The following ADAM19 variants were observed in gnomAD, a reference collection of about 807,000 sequenced individuals.
ADAM19 encodes the protein disintegrin and metalloproteinase domain-containing protein 19.
In ADAM19, 65 loss-of-function variants were observed where a neutral mutation model predicts 114.7. The ratio of observed to expected loss-of-function variants is 0.57; its 90% confidence interval spans 0.46 to 0.70. The LOEUF (loss-of-function observed/expected upper bound fraction) is 0.70. Among genes scored for constraint, ADAM19 ranks in the 30% least tolerant of loss-of-function variants. ADAM19 has a pLI of 0.00. For synonymous variants in ADAM19, 466 were observed against 460.5 expected (o/e 1.01, Z -0.15); for missense variants, 1,063 against 1,204.7 (o/e 0.88, Z 1.74).
At chr5:157,520,138 T>A in intron 5 of ADAM19, 107 bp from the exon 6 acceptor site, 1 of 1,121,970 alleles carries the variant, frequency 8.9e-7, no homozygotes, top group Non-Finnish European at 1.3e-6. Flanking sequence ...TGGGTTTTGA[T>A]CATTGGTTCT....
intron 5 of ADAM19, among the ~76,000 whole-genome samples, chr5:157,524,048 C>T (rs1250171446): frequency 6.6e-6 from 1 of 152,240 alleles, no homozygotes. Flanking sequence ...TCTCAGACGG[C>T]CTGGGGATGG....
chr5:157,542,514 C>T (rs546338862), intron 3 of ADAM19, among the ~76,000 whole-genome samples: 1 of 152,194 alleles, frequency 6.6e-6, no homozygotes, highest in Non-Finnish European at 1.5e-5. Context: ...CAATGTCACA[C>T]AAGCGTACAG....
rs536780248 is a variant in ADAM19 at position 157,499,690 on chromosome 5, T to C, written c.1309-28A>G. On this transcript the variant is annotated intron_variant, in intron 12 of 22. Coordinates refer to ENST00000257527, the MANE Select transcript of ADAM19 (RefSeq NM_033274.5). The stretch of plus-strand genomic sequence containing the variant: ...GGGGAGGCAGTGGGGTGGGTGTGAG[T>C]GGGGGAGGGCCTTCACCACCCCCAA... 139 of 1,493,464 alleles carry C rather than the reference T, an allele frequency of 9.3e-5. 1 individual carries two copies. The Admixed American group carries it at 2.3e-3, about 25-fold the overall frequency. 92.5% of individuals were successfully genotyped at this position (1,493,464 alleles called of 1,614,324 possible). A position where few individuals can be genotyped will look rare whatever the true frequency, so the allele number is the denominator to read the frequency against.
At chr5:157,484,318 C>G (rs1040330250) in intron 21 of ADAM19, among the ~76,000 whole-genome samples, 10 of 152,148 alleles carry the variant, frequency 6.6e-5, no homozygotes, top group African/African-American at 2.4e-4. Flanking sequence ...GTGTGGGGTC[C>G]GTATCTGTTT....
intron 14 of ADAM19, among the ~76,000 whole-genome samples, chr5:157,495,613 T>C (rs1432757987): frequency 6.6e-6 from 1 of 152,166 alleles, no homozygotes; most frequent in Non-Finnish European, 1.5e-5. Context: ...ATAATCTATC[T>C]AATAAAGAAT....
chr5:157,519,528 G>T (rs562057309), intron 6 of ADAM19, among the ~76,000 whole-genome samples: 197 of 152,200 alleles, frequency 1.3e-3, no homozygotes, highest in Admixed American at 2.7e-3. Context: ...CAAGCAATCT[G>T]CCTGCTTTAG....
chr5:157,563,215 C>T (rs1467491342), intron 3 of ADAM19, among the ~76,000 whole-genome samples: 4 of 152,110 alleles, frequency 2.6e-5, no homozygotes, highest in Admixed American at 2.0e-4. Flanking sequence ...ACTGGCTTTA[C>T]TCTCAAGAGG....
chr5:157,530,961 G>T (rs1175687885), intron 4 of ADAM19, 78 bp from the exon 5 acceptor site: 52 of 1,257,900 alleles, frequency 4.1e-5, no homozygotes, highest in Non-Finnish European at 5.9e-5. Flanking sequence ...GATGGTCATG[G>T]ATGACTCATG....
At chr5:157,564,311 T>G (rs1157385196) in intron 3 of ADAM19, 62 bp downstream of exon 3, 1 of 1,499,772 alleles carries the variant, frequency 6.7e-7, no homozygotes, top group African/African-American at 1.4e-5. Flanking sequence ...CAGCGACACC[T>G]GCGTCCGGCG....
chr5:157,479,877 C>A lies in ADAM19; in HGVS notation c.*1072G>T. Reference sequence around the variant, plus strand: ...AATAGCTGGGCTCCCTAAGGGGAAACCTCACCTAGATTTAGCTTAGAGTAA... The same window carrying A: ...AATAGCTGGGCTCCCTAAGGGGAAAACTCACCTAGATTTAGCTTAGAGTAA... On this transcript the variant is annotated 3_prime_UTR_variant, in exon 23 of 23. Coordinates refer to ENST00000257527, the MANE Select transcript of ADAM19 (RefSeq NM_033274.5). The A allele has an allele frequency of 2.0e-6, 2 of 985,684 alleles. No homozygotes were observed. Among genetic ancestry groups the A allele is most frequent in the Non-Finnish European group, 2.4e-6 (2 of 830,000 alleles). 61.1% of individuals were successfully genotyped at this position (985,684 alleles called of 1,614,324 possible). A position where few individuals can be genotyped will look rare whatever the true frequency, so the allele number is the denominator to read the frequency against.
At chr5:157,513,965 C>T (rs956277326) in intron 7 of ADAM19, among the ~76,000 whole-genome samples, 1 of 152,218 alleles carries the variant, frequency 6.6e-6, no homozygotes, top group Non-Finnish European at 1.5e-5. Flanking sequence ...TGAATGCCTG[C>T]TATGGGCAAG....
chr5:157,509,353 A>G lies in ADAM19; in HGVS notation c.853T>C (p.Trp285Arg). ...TTCTGGGCAAGCAGCTTGCGCCTCC[A>G]ACTGAGAAAGGACCAGAGGGTAGAA... ...PYSTLWSFLS[W>R]RRKLLAQKYH... is the part of the protein sequence containing the mutation. Residue 285 changes from tryptophan to arginine, a missense_variant, in exon 9 of 23, where the codon TGG becomes CGG. Trp to Arg is a moderately radical substitution (Grantham distance 101). Transcript: ENST00000257527. The G allele has an allele frequency of 6.2e-7, 1 of 1,613,214 alleles. No individual in the cohort carries two copies. Among genetic ancestry groups the G allele is most frequent in the Non-Finnish European group, 8.5e-7 (1 of 1,179,462 alleles).
At chr5:157,511,659 TCA>T (rs548783456) in intron 8 of ADAM19, among the ~76,000 whole-genome samples, 2 of 152,224 alleles carry the variant, frequency 1.3e-5, no homozygotes. Context: ...TGGCTTTTTT[TCA>T]CAGTTACAGA....
chr5:157,508,961 T>A (rs901500548), intron 9 of ADAM19, among the ~76,000 whole-genome samples: 4 of 152,244 alleles, frequency 2.6e-5, no homozygotes, highest in Admixed American at 6.5e-5. Context: ...CCAGGAAGAT[T>A]GAGATGAGTC....
chr5:157,499,441 T>C (rs1343575906), intron 13 of ADAM19, 132 bp downstream of exon 13: 1 of 774,502 alleles, frequency 1.3e-6, no homozygotes, highest in Non-Finnish European at 2.2e-6. Context: ...TTTTCCGCTC[T>C]GTGTTTCTGA....
intron 4 of ADAM19, among the ~76,000 whole-genome samples, 187 bp from the exon 5 acceptor site, chr5:157,531,070 G>A (rs555964444): frequency 1.2e-3 from 178 of 152,262 alleles, no homozygotes; most frequent in African/African-American, 4.2e-3. Flanking sequence ...CCTAGGAGAC[G>A]GGGCAGGGAA....
At chr5:157,566,395 A>G (rs888749016) in intron 2 of ADAM19, 5 of 152,232 alleles carry the variant, frequency 3.3e-5, no homozygotes, top group African/African-American at 1.2e-4. Context: ...TAATGGGATC[A>G]TGAGTTAATT....
chr5:157,479,108 A>T lies in ADAM19; in HGVS notation c.*1841T>A. The T allele has an allele frequency of 2.0e-6, 2 of 985,782 alleles. No individual in the cohort carries two copies. The highest frequency in any genetic ancestry group is 9.4e-5 in the South Asian group (2 of 21,248). 61.1% of individuals were successfully genotyped at this position (985,782 alleles called of 1,614,324 possible). A position where few individuals can be genotyped will look rare whatever the true frequency, so the allele number is the denominator to read the frequency against. On this transcript the variant is annotated 3_prime_UTR_variant, in exon 23 of 23. Transcript: ENST00000257527. Reference sequence around the variant, plus strand: ...GGAAAGGTGGGGAATGGATCTCCACAGCAAGGATGACCCACAGCAAGGATG... The same window carrying T: ...GGAAAGGTGGGGAATGGATCTCCACTGCAAGGATGACCCACAGCAAGGATG...
Position 157,479,957 on chromosome 5 carries a change from T to C in ADAM19, c.*992A>G, listed in dbSNP as rs1754694554. 1.0e-6 allele frequency: 1 copy of C among 985,760 alleles called. No individual in the cohort carries two copies. The highest frequency in any genetic ancestry group is 6.2e-5 in the Admixed American group (1 of 16,260). 61.1% of individuals were successfully genotyped at this position (985,760 alleles called of 1,614,324 possible). ...CAAAACACAATGAAAAATAAACATATGACCCCAATGGCCATGCCCCAAGTC... is the reference window on the plus strand; with the variant it reads ...CAAAACACAATGAAAAATAAACATACGACCCCAATGGCCATGCCCCAAGTC... On this transcript the variant is annotated 3_prime_UTR_variant, in exon 23 of 23. Coordinates refer to ENST00000257527, the MANE Select transcript of ADAM19 (RefSeq NM_033274.5).
Sources: gnomAD v4.1 joint callset for allele counts (sites outside exome capture counted in the v4.1 genomes callset) on GRCh38, gnomAD v4.1.1 for gene constraint, MANE v1.5 for transcripts, NCBI Gene and HGNC (gene_info 2026-07-23, HGNC 2026-07-21) for gene names.